The following CD96 variants were observed in gnomAD, a reference collection of about 807,000 sequenced individuals.
CD96 encodes T-cell surface protein tactile.
A neutral mutation model predicts 71.3 loss-of-function variants in CD96; 70 were observed. That is an observed-to-expected ratio of 0.98 (90% CI 0.81 to 1.20). The LOEUF (loss-of-function observed/expected upper bound fraction) is 1.20. CD96 is among the 50% of genes most tolerant of loss of function. The pLI, the probability that CD96 is intolerant of heterozygous loss-of-function variation, is 0.00. For synonymous variants in CD96, 248 were observed against 233.0 expected (o/e 1.06, Z -0.59); for missense variants, 742 against 677.5 (o/e 1.10, Z -1.06).
At chr3:111,626,098 T>A (rs894794716) in intron 10 of CD96, among the ~76,000 whole-genome samples, 1 of 151,734 alleles carries the variant, frequency 6.6e-6, no homozygotes, top group African/African-American at 2.4e-5. Flanking sequence ...GGTCAGGAGA[T>A]CAAGACCATC....
downstream of CD96, among the ~76,000 whole-genome samples, chr3:111,656,242 A>C (rs573681677): frequency 6.6e-6 from 1 of 152,328 alleles, no homozygotes; most frequent in South Asian, 2.1e-4. Flanking sequence ...AATGACTCTT[A>C]ATCATTTGAA....
chr3:111,579,401 G>A (rs576354901), intron 4 of CD96, 167 bp downstream of exon 4: 52 of 689,664 alleles, frequency 7.5e-5, no homozygotes, highest in South Asian at 7.5e-4. Flanking sequence ...GGGGATGAGG[G>A]TAGGATGCTA....
At chr3:111,658,387 C>T (rs947518228) in intron 14 of CD96, among the ~76,000 whole-genome samples, 2 of 152,090 alleles carry the variant, frequency 1.3e-5, no homozygotes, top group East Asian at 1.9e-4. Flanking sequence ...GGGCTCTCAC[C>T]TATAGCAAAA....
intron 14 of CD96, among the ~76,000 whole-genome samples, chr3:111,659,346 T>G (rs531850371): frequency 6.6e-6 from 1 of 152,160 alleles, no homozygotes; most frequent in East Asian, 1.9e-4. Context: ...TCATGGATCT[T>G]TTGCATCTCA....
At chr3:111,606,986 C>A in intron 8 of CD96, 194 bp downstream of exon 8, 1 of 639,842 alleles carries the variant, frequency 1.6e-6, no homozygotes, top group Non-Finnish European at 2.8e-6. Context: ...AATGTATGAT[C>A]TAATGGTTTT....
downstream of CD96, among the ~76,000 whole-genome samples, chr3:111,652,583 A>C (rs1940129968): frequency 6.6e-6 from 1 of 152,084 alleles, no homozygotes; most frequent in Non-Finnish European, 1.5e-5. Context: ...TTTTTATATT[A>C]GCTCTTCTTT....
rs756716708 is a variant in CD96 at position 111,623,796 on chromosome 3, C to T, written c.1223C>T (p.Ala408Val). 1.2e-6 allele frequency: 2 copies of T among 1,612,020 alleles called. No individual in the cohort carries two copies. Among genetic ancestry groups the T allele is most frequent in the Non-Finnish European group, 1.7e-6 (2 of 1,178,140 alleles). ...TSSVTLVDVS[A>V]LRPNTTPQPS... Reference sequence around the variant, plus strand: ...TCAGTGACCCTTGTAGATGTGAGTGCCTTGAGGCCAAACACCACTCCTCAA... The same window carrying T: ...TCAGTGACCCTTGTAGATGTGAGTGTCTTGAGGCCAAACACCACTCCTCAA... The change falls in exon 9 of 14, where the codon GCC (alanine) becomes GTC (valine). Residue 408 changes from alanine to valine, a missense_variant. Physicochemically the swap from Ala to Val is moderately conservative, Grantham distance 64. Coordinates refer to ENST00000352690, the MANE Select transcript of CD96 (RefSeq NM_005816.5).
chr3:111,653,497 T>C (rs16858381), downstream of CD96, among the ~76,000 whole-genome samples: 1,146 of 152,352 alleles, frequency 7.5e-3, 16 homozygotes, highest in African/African-American at 0.026. Context: ...CAAGAAGATA[T>C]GGTTGACTTC....
chr3:111,545,336 T>C lies in CD96; in HGVS notation c.352T>C (p.Cys118Arg), dbSNP rs1576295006. ...TTGTTCAGTCAGTGGAAGGTACGAGTGTATGCTTGTTCTGTATCCAGAGGG... is the reference window on the plus strand; with the variant it reads ...TTGTTCAGTCAGTGGAAGGTACGAGCGTATGCTTGTTCTGTATCCAGAGGG... ...MSCSVSGRYE[C>R]MLVLYPEGIQ... Residue 118 changes from cysteine (C) to arginine (R), a missense_variant, in exon 2 of 14, where the codon TGT (cysteine) becomes CGT (arginine). Coordinates refer to ENST00000352690, the MANE Select transcript of CD96 (RefSeq NM_005816.5). 5 of 1,613,924 alleles carry C rather than the reference T, an allele frequency of 3.1e-6. No homozygotes were observed. The highest frequency in any genetic ancestry group is 1.7e-6 in the Non-Finnish European group (2 of 1,179,924).
intron 3 of CD96, among the ~76,000 whole-genome samples, chr3:111,575,673 G>A (rs1936189974): frequency 6.6e-6 from 1 of 152,234 alleles, no homozygotes; most frequent in Non-Finnish European, 1.5e-5. Context: ...TGGAGGCTGG[G>A]AAGTCCAAAA....
intron 14 of CD96, among the ~76,000 whole-genome samples, chr3:111,665,193 G>GTA (rs1360267425): frequency 6.6e-6 from 1 of 151,212 alleles, no homozygotes; most frequent in Non-Finnish European, 1.5e-5. Flanking sequence ...GTGTGTGTGT[G>GTA]TATGTGTGTG....
At position 111,592,152 on chromosome 3, in the gene CD96, G is replaced by C. The variant is rs571814888; in HGVS notation, c.808-5968G>C. 2.6e-5 allele frequency among the ~76,000 whole-genome samples: 4 copies of C among 152,260 alleles called. No individual in the cohort carries two copies. The South Asian group carries it at 8.3e-4, about 32-fold the overall frequency. On this transcript the variant is annotated intron_variant, in intron 5 of 13. Coordinates refer to ENST00000352690, the MANE Select transcript of CD96 (RefSeq NM_005816.5). ...TGTTTGGTTGGAGGAGGGTGGTGTG[G>C]TTATAGAGGAATCTGTCTTCTATAA...
chr3:111,638,124 C>A lies in CD96; in HGVS notation c.1433C>A (p.Thr478Lys), dbSNP rs202242280. 5.0e-6 allele frequency: 8 copies of A among 1,611,696 alleles called. No homozygotes were observed. The highest frequency in any genetic ancestry group is 3.3e-5 in the Admixed American group (2 of 60,012). Residue 478 changes from threonine (T) to lysine (K), a missense_variant, in exon 12 of 14, where the codon ACA becomes AAA. Coordinates refer to ENST00000352690, the MANE Select transcript of CD96 (RefSeq NM_005816.5). ...GCCAGAGCATTTTCAGAAGTCCCCA[C>A]AACTGCCAATGGATCTACGAAAACT... ...STARAFSEVP[T>K]TANGSTKTNH... is the part of the protein sequence containing the mutation.
intron 8 of CD96, among the ~76,000 whole-genome samples, chr3:111,611,025 G>A (rs1378426743): frequency 6.6e-6 from 1 of 152,166 alleles, no homozygotes; most frequent in Non-Finnish European, 1.5e-5. Flanking sequence ...TTACGATCCT[G>A]TGTGACCCAC....
chr3:111,608,342 AT>A (rs1328379958), intron 8 of CD96, among the ~76,000 whole-genome samples: 14 of 152,134 alleles, frequency 9.2e-5, no homozygotes, highest in African/African-American at 3.4e-4. Flanking sequence ...CTTCTGCTTT[AT>A]TTTATCTACT....
At chr3:111,593,110 C>T (rs905676394) in intron 5 of CD96, 2 of 156,976 alleles carry the variant, frequency 1.3e-5, no homozygotes, top group African/African-American at 2.4e-5. Context: ...AGATTAAGCT[C>T]TGCTTCCGGC....
At chr3:111,556,121 C>T (rs973382636) in intron 2 of CD96, among the ~76,000 whole-genome samples, 38 of 152,248 alleles carry the variant, frequency 2.5e-4, no homozygotes, top group Admixed American at 2.2e-3. Flanking sequence ...CATTTTATAG[C>T]TTTCTATTTC....
At chr3:111,575,515 G>A (rs1167610833) in intron 3 of CD96, among the ~76,000 whole-genome samples, 3 of 152,118 alleles carry the variant, frequency 2.0e-5, no homozygotes, top group Non-Finnish European at 2.9e-5. Flanking sequence ...GTCCCCCAAG[G>A]GCCAACCCTT....
chr3:111,609,968 G>T (rs1045689117), intron 8 of CD96, among the ~76,000 whole-genome samples: 1 of 152,158 alleles, frequency 6.6e-6, no homozygotes, highest in Non-Finnish European at 1.5e-5. Context: ...GCTAAACATT[G>T]TACAACACAG....
Sources: allele counts gnomAD v4.1 joint callset (sites outside exome capture counted in the v4.1 genomes callset), GRCh38; gene constraint gnomAD v4.1.1; transcripts MANE v1.5; gene names NCBI Gene and HGNC (gene_info 2026-07-23, HGNC 2026-07-21).